ARSB: variants seen among roughly 807,000 people sequenced by gnomAD.
ARSB encodes the protein arylsulfatase B, also known as N-acetylgalactosamine-4-sulfatase.
ARSB carries 41 observed loss-of-function variants against 50.9 expected under a neutral mutation model. The ratio of observed to expected loss-of-function variants is 0.81; its 90% CI spans 0.63 to 1.04. The LOEUF (loss-of-function observed/expected upper bound fraction) is 1.04, where lower values mean the gene tolerates loss of function less well. Ranked by LOEUF, ARSB falls within the 50% of genes least tolerant of loss-of-function variation. The pLI is 0.00. For synonymous variants in ARSB, 269 were observed against 284.8 expected, an observed-to-expected ratio of 0.94 and a Z score of 0.56; for missense variants, 672 against 693.3, an observed-to-expected ratio of 0.97 and a Z score of 0.35.
intron 4 of ARSB, among the ~76,000 whole-genome samples, chr5:78,927,009 G>T (rs1178782447): frequency 6.6e-6 from 1 of 152,126 alleles, no homozygotes; most frequent in Non-Finnish European, 1.5e-5. Context: ...AGCCTCCCGA[G>T]TAGCTAGGAC....
At chr5:78,786,761 A>G (rs533242535) in intron 6 of ARSB, among the ~76,000 whole-genome samples, 38 of 152,296 alleles carry the variant, frequency 2.5e-4, no homozygotes, top group Non-Finnish European at 4.6e-4. Context: ...CGGGGACTAC[A>G]GGCACATGCC....
chr5:78,916,572 A>G (rs1478479726), intron 4 of ARSB, among the ~76,000 whole-genome samples: 1 of 152,232 alleles, frequency 6.6e-6, no homozygotes, highest in Non-Finnish European at 1.5e-5. Flanking sequence ...AAACAGAAAG[A>G]TAAGAAGGAA....
At chr5:78,854,557 T>C (rs1441221474) in intron 5 of ARSB, among the ~76,000 whole-genome samples, 2 of 152,262 alleles carry the variant, frequency 1.3e-5, no homozygotes, top group Non-Finnish European at 2.9e-5. Flanking sequence ...CCTCTTGTTA[T>C]TGATTTCATT....
At chr5:78,872,146 C>T (rs1747225696) in intron 5 of ARSB, among the ~76,000 whole-genome samples, 1 of 147,924 alleles carries the variant, frequency 6.8e-6, no homozygotes, top group Non-Finnish European at 1.5e-5. Context: ...GAACGGTAAT[C>T]ATTAAAAAGT....
chr5:78,789,383 T>G (rs1295818454), intron 6 of ARSB, among the ~76,000 whole-genome samples: 5 of 152,236 alleles, frequency 3.3e-5, no homozygotes, highest in Non-Finnish European at 2.9e-5. Flanking sequence ...GAAGTTTTCA[T>G]GCTCAGAGAG....
At chr5:78,794,569 G>A (rs947296631) in intron 6 of ARSB, among the ~76,000 whole-genome samples, 2 of 152,182 alleles carry the variant, frequency 1.3e-5, no homozygotes, top group Non-Finnish European at 2.9e-5. Flanking sequence ...ACAAAGAAGA[G>A]AGGTGGGGTT....
intron 6 of ARSB, among the ~76,000 whole-genome samples, chr5:78,811,074 G>A (rs1743790353): frequency 6.6e-6 from 1 of 152,212 alleles, no homozygotes; most frequent in Admixed American, 6.5e-5. Flanking sequence ...TTTGGAGGCA[G>A]CAGGAGCGCA....
At chr5:78,912,176 C>T (rs1321268829) in intron 4 of ARSB, among the ~76,000 whole-genome samples, 2 of 152,154 alleles carry the variant, frequency 1.3e-5, no homozygotes, top group African/African-American at 4.8e-5. Flanking sequence ...AGGTTGGTTA[C>T]TGACGTTATT....
intron 5 of ARSB, among the ~76,000 whole-genome samples, chr5:78,871,024 GACAA>G (rs1423632201): frequency 2.0e-5 from 3 of 150,232 alleles, no homozygotes; most frequent in Admixed American, 6.7e-5. Context: ...ACCAACAACA[GACAA>G]ACAGAGAGCC....
chr5:78,890,666 G>T (rs1742299691), intron 4 of ARSB, among the ~76,000 whole-genome samples: 2 of 152,058 alleles, frequency 1.3e-5, no homozygotes, highest in South Asian at 2.1e-4. Context: ...TCCAATCAGG[G>T]AAAAAGTTCC....
At chr5:78,871,360 C>T (rs1490621011) in intron 5 of ARSB, among the ~76,000 whole-genome samples, 1 of 151,932 alleles carries the variant, frequency 6.6e-6, no homozygotes, top group South Asian at 2.1e-4. Context: ...ATTGCCAAGT[C>T]AATCCTAAGC....
intron 6 of ARSB, among the ~76,000 whole-genome samples, chr5:78,833,514 A>G (rs1251672973): frequency 1.3e-5 from 2 of 152,212 alleles, no homozygotes; most frequent in Non-Finnish European, 2.9e-5. Flanking sequence ...CAGGAAAGCA[A>G]TTACATCCCA....
At chr5:78,821,769 T>C (rs1744236230) in intron 6 of ARSB, among the ~76,000 whole-genome samples, 1 of 152,244 alleles carries the variant, frequency 6.6e-6, no homozygotes, top group African/African-American at 2.4e-5. Context: ...GAATTAAATA[T>C]GCATGAAATA....
chr5:78,839,467 T>C (rs376225577), intron 5 of ARSB, 41 bp from the exon 6 acceptor site: 349 of 1,519,820 alleles, frequency 2.3e-4, no homozygotes, highest in Non-Finnish European at 3.2e-4. Flanking sequence ...TTCCTCTCTC[T>C]AATGGGCATG....
At chr5:78,797,044 A>AT (rs1472808492) in intron 6 of ARSB, among the ~76,000 whole-genome samples, 5 of 151,632 alleles carry the variant, frequency 3.3e-5, no homozygotes, top group African/African-American at 1.2e-4. Flanking sequence ...TGCCTGGCTA[A>AT]TTTTTTGTAT....
At chr5:78,937,123 A>G (rs1750640406) in intron 4 of ARSB, among the ~76,000 whole-genome samples, 1 of 151,984 alleles carries the variant, frequency 6.6e-6, no homozygotes, top group South Asian at 2.1e-4. Flanking sequence ...GGAGCATAAA[A>G]TATAAGAAAC....
At chr5:78,937,254 G>GAT (rs1206556453) in intron 4 of ARSB, among the ~76,000 whole-genome samples, 52 of 144,962 alleles carry the variant, frequency 3.6e-4, no homozygotes, top group African/African-American at 1.1e-3. Context: ...AAGGAAGTTC[G>GAT]ATATATATAT....
intron 5 of ARSB, among the ~76,000 whole-genome samples, chr5:78,841,670 T>C (rs183051803): frequency 1.1e-3 from 174 of 152,348 alleles, no homozygotes; most frequent in Non-Finnish European, 1.0e-3. Flanking sequence ...CTAATAACTT[T>C]AGAGAGAGTT....
intron 4 of ARSB, among the ~76,000 whole-genome samples, chr5:78,921,348 T>C (rs1448871472): frequency 6.6e-6 from 1 of 152,030 alleles, no homozygotes; most frequent in African/African-American, 2.4e-5. Flanking sequence ...TCTGTAAGTA[T>C]AAAATACACA....
Sources: gnomAD v4.1 joint callset for allele counts (sites outside exome capture counted in the v4.1 genomes callset) on GRCh38, gnomAD v4.1.1 for gene constraint, MANE v1.5 for transcripts, NCBI Gene and HGNC (gene_info 2026-07-23, HGNC 2026-07-21) for gene names.